NDST4: variants seen among roughly 807,000 people sequenced by gnomAD.
NDST4 encodes the protein N-deacetylase and N-sulfotransferase 4, also known as N-heparan sulfate sulfotransferase 4.
Under a neutral mutation model 100.8 loss-of-function variants are expected in NDST4, and 63 were observed. The observed-to-expected ratio is 0.62, with a 90% CI of 0.51 to 0.77. The LOEUF (loss-of-function observed/expected upper bound fraction) is 0.77, where lower values mean the gene tolerates loss of function less well. Among genes scored for constraint, NDST4 ranks in the 30% least tolerant of loss-of-function variants. The pLI is 0.00. For missense variants in NDST4, 943 were observed against 1,018.4 expected (o/e 0.93, Z 1.01); for synonymous variants, 377 against 361.8 (o/e 1.04, Z -0.48).
chr4:115,053,216 G>A (rs1445924558), intron 2 of NDST4, among the ~76,000 whole-genome samples: 3 of 152,092 alleles, frequency 2.0e-5, no homozygotes, highest in African/African-American at 7.2e-5. Flanking sequence ...AAATAAAATT[G>A]TGTTGTCTTA....
chr4:114,962,465 T>A (rs2126236825), intron 4 of NDST4, among the ~76,000 whole-genome samples: 1 of 151,944 alleles, frequency 6.6e-6, no homozygotes. Context: ...AATTTGGAGG[T>A]TTGGATGTTA....
intron 2 of NDST4, among the ~76,000 whole-genome samples, chr4:115,056,180 C>T (rs191602219): frequency 3.3e-5 from 5 of 152,058 alleles, no homozygotes; most frequent in Admixed American, 1.3e-4. Flanking sequence ...GGTGAAACCT[C>T]ATCTCTACAA....
At chr4:115,063,341 T>C (rs1728863618) in intron 2 of NDST4, among the ~76,000 whole-genome samples, 1 of 151,932 alleles carries the variant, frequency 6.6e-6, no homozygotes, top group African/African-American at 2.4e-5. Context: ...ATGAGTTGAA[T>C]AAAAATAAAA....
At chr4:114,937,636 A>C (rs1263469057) in intron 4 of NDST4, 133 bp from the exon 5 acceptor site, 1 of 693,922 alleles carries the variant, frequency 1.4e-6, no homozygotes, top group Admixed American at 3.4e-5. Flanking sequence ...AGCAAGGTAG[A>C]GGTTTTATCT....
chr4:115,109,037 A>C (rs561444556), intron 1 of NDST4, among the ~76,000 whole-genome samples: 18 of 149,346 alleles, frequency 1.2e-4, no homozygotes, highest in African/African-American at 4.3e-4. Context: ...GGGAAAAGGG[A>C]AGGAAGGAAG....
At chr4:115,002,645 T>C (rs1056480074) in intron 2 of NDST4, among the ~76,000 whole-genome samples, 1 of 152,196 alleles carries the variant, frequency 6.6e-6, no homozygotes, top group African/African-American at 2.4e-5. Context: ...TTTAAGCCTT[T>C]AAACCACTGA....
chr4:114,850,083 G>T (rs1344481274), intron 8 of NDST4, among the ~76,000 whole-genome samples: 1 of 152,104 alleles, frequency 6.6e-6, no homozygotes, highest in Admixed American at 6.5e-5. Flanking sequence ...ACTTTCTTAA[G>T]GGGGGTGGAG....
intron 6 of NDST4, among the ~76,000 whole-genome samples, chr4:114,934,471 G>A (rs1489785812): frequency 6.6e-6 from 1 of 151,412 alleles, no homozygotes; most frequent in East Asian, 1.9e-4. Flanking sequence ...GGAGAATGGC[G>A]TGAACCCGGG....
intron 6 of NDST4, among the ~76,000 whole-genome samples, chr4:114,873,002 A>G (rs1724182548): frequency 6.6e-6 from 1 of 152,008 alleles, no homozygotes; most frequent in Admixed American, 6.6e-5. Context: ...CTATATAAGT[A>G]TTATCCTGGC....
intron 2 of NDST4, among the ~76,000 whole-genome samples, chr4:115,038,551 G>A (rs1728281754): frequency 6.6e-6 from 1 of 152,092 alleles, no homozygotes; most frequent in Admixed American, 6.6e-5. Flanking sequence ...AAGCCCTGAG[G>A]TACCCTATCT....
At chr4:114,853,402 C>T (rs534404536) in intron 7 of NDST4, among the ~76,000 whole-genome samples, 12 of 152,176 alleles carry the variant, frequency 7.9e-5, no homozygotes, top group East Asian at 5.8e-4. Context: ...TGTATAGATA[C>T]GGTGAGGAAA....
intron 6 of NDST4, 144 bp downstream of exon 6, chr4:114,935,061 AG>A (rs1725597790): frequency 1.7e-6 from 1 of 596,268 alleles, no homozygotes; most frequent in Non-Finnish European, 2.4e-6. Context: ...TATCAAGAAA[AG>A]TATTTTAATA....
At chr4:115,003,320 T>C (rs143437348) in intron 2 of NDST4, among the ~76,000 whole-genome samples, 67 of 152,276 alleles carry the variant, frequency 4.4e-4, no homozygotes, top group Non-Finnish European at 9.1e-4. Flanking sequence ...CTACTGGCCA[T>C]AGGAATTCAC....
At chr4:114,858,838 C>T (rs191331465) in intron 7 of NDST4, among the ~76,000 whole-genome samples, 90 of 152,200 alleles carry the variant, frequency 5.9e-4, no homozygotes, top group Middle Eastern at 3.4e-3. Context: ...TGGGAAGGGG[C>T]TCACCAAACA....
At chr4:114,852,615 G>T (rs1002515396) in intron 8 of NDST4, 110 bp downstream of exon 8, 26 of 617,520 alleles carry the variant, frequency 4.2e-5, no homozygotes, top group East Asian at 2.9e-5. Context: ...AACTTGCATG[G>T]ATAGCTAAAT....
In NDST4 at chr4:115,100,426, T is replaced by C. The variant is rs570762838; in HGVS notation, c.-247+13018A>G. Reference sequence around the variant, plus strand: ...AGAGAAATATGGAAAGTCTTTGTACTTTCTGTTCAATTTCTGCTGGGAATC... The same window carrying C: ...AGAGAAATATGGAAAGTCTTTGTACCTTCTGTTCAATTTCTGCTGGGAATC... On this transcript the variant is annotated intron_variant, in intron 1 of 13. Coordinates refer to ENST00000264363, the MANE Select transcript of NDST4 (RefSeq NM_022569.3). 5.9e-5 allele frequency among the ~76,000 whole-genome samples: 9 copies of C among 152,164 alleles called. No homozygotes were observed. The East Asian group carries it at 1.7e-3, about 29-fold the overall frequency.
At chr4:114,929,062 GTCCGTCCGTCCGTCCATCCATCCA>G (rs1328677739) in intron 6 of NDST4, among the ~76,000 whole-genome samples, 4 of 102,310 alleles carry the variant, frequency 3.9e-5, no homozygotes, top group Non-Finnish European at 9.5e-5. Flanking sequence ...CCGTCCGTCC[GTCCGTCCGTCCGTCCATCCATCCA>G]TCCATCCATC....
chr4:115,053,684 T>C (rs1347991510), intron 2 of NDST4, among the ~76,000 whole-genome samples: 1 of 152,100 alleles, frequency 6.6e-6, no homozygotes, highest in Non-Finnish European at 1.5e-5. Flanking sequence ...TTACAATAAC[T>C]ACCGTCCTAA....
intron 2 of NDST4, among the ~76,000 whole-genome samples, chr4:115,035,780 C>A (rs1728219537): frequency 6.6e-6 from 1 of 151,864 alleles, no homozygotes; most frequent in Non-Finnish European, 1.5e-5. Context: ...TGAATATATC[C>A]ATCACATATG....
Sources: allele counts gnomAD v4.1 joint callset (sites outside exome capture counted in the v4.1 genomes callset), GRCh38; gene constraint gnomAD v4.1.1; transcripts MANE v1.5; gene names NCBI Gene and HGNC (gene_info 2026-07-23, HGNC 2026-07-21).